Variants in GRM8 observed in about 807,000 individuals in gnomAD.
GRM8 encodes the protein glutamate metabotropic receptor 8.
In GRM8, 47 loss-of-function variants were observed where a neutral mutation model predicts 87.2. The observed-to-expected ratio is 0.54, with a 90% CI of 0.43 to 0.69. The LOEUF (loss-of-function observed/expected upper bound fraction) is 0.69, where lower values mean the gene tolerates loss of function less well. GRM8 is among the 30% of genes least tolerant of loss of function. The pLI, the probability that GRM8 is intolerant of heterozygous loss-of-function variation, is 0.00. For missense variants in GRM8, 1,019 were observed against 1,139.2 expected, an observed-to-expected ratio of 0.89 and a Z score of 1.52; for synonymous variants, 396 against 404.5, an observed-to-expected ratio of 0.98 and a Z score of 0.25.
chr7:126,516,101 C>T (rs1424146915), intron 9 of GRM8, among the ~76,000 whole-genome samples: 2 of 151,396 alleles, frequency 1.3e-5, no homozygotes, highest in Non-Finnish European at 3.0e-5. Flanking sequence ...TTCAGTATTC[C>T]AACTTTTTGT....
intron 3 of GRM8, among the ~76,000 whole-genome samples, chr7:126,988,581 A>G (rs1812340375): frequency 1.3e-5 from 2 of 152,222 alleles, no homozygotes; most frequent in Non-Finnish European, 2.9e-5. Flanking sequence ...GTGTTCTTGT[A>G]CAAATCATTT....
intron 6 of GRM8, among the ~76,000 whole-genome samples, chr7:126,878,709 A>C (rs184257214): frequency 5.8e-4 from 88 of 151,854 alleles, no homozygotes; most frequent in Middle Eastern, 6.8e-3. Flanking sequence ...TTTAGCAGAG[A>C]TGGGATAGGG....
chr7:127,193,131 A>C (rs961855868), intron 2 of GRM8, among the ~76,000 whole-genome samples: 2 of 152,250 alleles, frequency 1.3e-5, no homozygotes, highest in African/African-American at 4.8e-5. Flanking sequence ...TTGAATGTCC[A>C]GTTATGCTCC....
chr7:126,696,153 C>A (rs1311999094), intron 7 of GRM8, among the ~76,000 whole-genome samples: 7 of 152,044 alleles, frequency 4.6e-5, no homozygotes, highest in Non-Finnish European at 4.4e-5. Flanking sequence ...ATACACAGGG[C>A]TGGGACTAGG....
intron 2 of GRM8, among the ~76,000 whole-genome samples, chr7:127,154,312 T>C (rs79660193): frequency 6.6e-6 from 1 of 152,234 alleles, no homozygotes; most frequent in African/African-American, 2.4e-5. Flanking sequence ...GCTACTTCCA[T>C]TCCTGCACCT....
At chr7:126,644,816 G>A (rs1802864578) in intron 7 of GRM8, among the ~76,000 whole-genome samples, 1 of 152,186 alleles carries the variant, frequency 6.6e-6, no homozygotes, top group African/African-American at 2.4e-5. Context: ...GGTCATAATA[G>A]ATAACCATTT....
At chr7:126,498,645 G>A (rs935098593) in intron 9 of GRM8, among the ~76,000 whole-genome samples, 25 of 151,936 alleles carry the variant, frequency 1.6e-4, no homozygotes, top group Non-Finnish European at 7.4e-5. Context: ...TGATTAATGA[G>A]CTGGCAGTTG....
intron 1 of GRM8, among the ~76,000 whole-genome samples, chr7:127,249,320 G>C (rs1798738567): frequency 1.3e-5 from 2 of 152,182 alleles, no homozygotes; most frequent in Non-Finnish European, 2.9e-5. Flanking sequence ...CAGGGAGTGA[G>C]TGGATTCATT....
chr7:126,865,291 G>A (rs1798489932), intron 6 of GRM8, among the ~76,000 whole-genome samples: 1 of 151,980 alleles, frequency 6.6e-6, no homozygotes. Context: ...CATAATTTTG[G>A]CATGGAACAA....
chr7:126,452,433 T>TAAAA (rs34338362), intron 9 of GRM8, among the ~76,000 whole-genome samples: 7 of 143,908 alleles, frequency 4.9e-5, no homozygotes, highest in Non-Finnish European at 9.1e-5. Flanking sequence ...TAAAGTATAA[T>TAAAA]AAAAAAAAAA....
chr7:126,443,092 G>A (rs969034186), intron 10 of GRM8, among the ~76,000 whole-genome samples: 1 of 151,954 alleles, frequency 6.6e-6, no homozygotes, highest in Admixed American at 6.6e-5. Context: ...TTCCTTGTGT[G>A]CATCACACTG....
At chr7:127,176,613 C>A (rs187920349) in intron 2 of GRM8, among the ~76,000 whole-genome samples, 1 of 152,342 alleles carries the variant, frequency 6.6e-6, no homozygotes, top group Non-Finnish European at 1.5e-5. Context: ...AGGAAGTGGA[C>A]TGCTCCTGCA....
chr7:126,444,303 T>A (rs554764148), intron 10 of GRM8, among the ~76,000 whole-genome samples: 1 of 152,210 alleles, frequency 6.6e-6, no homozygotes, highest in East Asian at 1.9e-4. Flanking sequence ...ACAGTATACC[T>A]TTTGCTAAGA....
rs567355325 is a variant in GRM8, at chr7:126,617,226, G to A, written c.1358-7728C>T. Among the ~76,000 whole-genome samples the A allele has an allele frequency of 1.6e-4, 25 of 152,182 alleles. No homozygotes were observed. The South Asian group carries it at 3.9e-3, about 24-fold the overall frequency. On this transcript the variant is annotated intron_variant, in intron 7 of 10. Transcript: ENST00000339582. ...GGGATGCAAGGCTGGTTCAACATAC[G>A]AAAATCAATAAACGTAATCCAGCAT...
chr7:127,000,835 A>T (rs889278654), intron 3 of GRM8, among the ~76,000 whole-genome samples: 5 of 151,702 alleles, frequency 3.3e-5, no homozygotes, highest in Admixed American at 3.3e-4. Flanking sequence ...ATACTTAAAG[A>T]TGGTTAAAAT....
intron 8 of GRM8, among the ~76,000 whole-genome samples, chr7:126,601,723 A>T (rs1173106378): frequency 1.3e-5 from 2 of 148,808 alleles, no homozygotes; most frequent in Non-Finnish European, 1.5e-5. Context: ...GGCTGCATAA[A>T]TGTCTTCTTT....
chr7:126,683,083 AC>A (rs1807788893), intron 7 of GRM8, among the ~76,000 whole-genome samples: 1 of 152,070 alleles, frequency 6.6e-6, no homozygotes, highest in South Asian at 2.1e-4. Context: ...AAAGTGTGTG[AC>A]CCCTGTGGTA....
intron 9 of GRM8, among the ~76,000 whole-genome samples, chr7:126,447,430 C>T (rs2150469922): frequency 6.6e-6 from 1 of 151,898 alleles, no homozygotes; most frequent in African/African-American, 2.4e-5. Flanking sequence ...ATCTACGACC[C>T]TCATTAATAG....
chr7:127,043,730 G>A (rs1050278427), intron 3 of GRM8, among the ~76,000 whole-genome samples: 11 of 152,120 alleles, frequency 7.2e-5, no homozygotes, highest in Middle Eastern at 3.4e-3. Flanking sequence ...AAACCTGCAC[G>A]TTGTGCACAT....
Sources: allele counts gnomAD v4.1 joint callset (sites outside exome capture counted in the v4.1 genomes callset), GRCh38; gene constraint gnomAD v4.1.1; transcripts MANE v1.5; gene names NCBI Gene and HGNC (gene_info 2026-07-23, HGNC 2026-07-21).